Variants in DPRX observed in about 807,000 individuals in gnomAD.
The protein encoded by DPRX is divergent paired-related homeobox.
In DPRX, 11 loss-of-function variants were observed where a neutral mutation model predicts 8.4. That is an observed-to-expected ratio of 1.31 (90% confidence interval 0.82 to 2.17). DPRX has a LOEUF of 2.17. Ranked by LOEUF, DPRX falls within the 30% of genes most tolerant of loss-of-function variation. DPRX has a pLI of 0.00. For synonymous variants in DPRX, 72 were observed against 87.0 expected, an observed-to-expected ratio of 0.83 and a Z score of 0.96; for missense variants, 211 against 236.7, an observed-to-expected ratio of 0.89 and a Z score of 0.71.
At chr19:53,619,832 G>T in the DPRX span, among the ~76,000 whole-genome samples, 47 of 145,622 alleles carry the variant, frequency 3.2e-4, no homozygotes, top group African/African-American at 1.1e-3. Flanking sequence ...TCCAGCCTGG[G>T]TGACAGAGTG....
At chr19:53,622,121 G>T in the DPRX span, among the ~76,000 whole-genome samples, 1 of 152,082 alleles carries the variant, frequency 6.6e-6, no homozygotes, top group African/African-American at 2.4e-5. Flanking sequence ...CTCCCAACCT[G>T]GTGATGTCTG....
chr19:53,634,213 C>A (rs2091103763), intron 1 of DPRX, among the ~76,000 whole-genome samples: 1 of 152,058 alleles, frequency 6.6e-6, no homozygotes, highest in South Asian at 2.1e-4. Flanking sequence ...GGTGGATCAC[C>A]TGAGGTCAGG....
At chr19:53,605,341 T>C in the DPRX span, among the ~76,000 whole-genome samples, 1 of 151,088 alleles carries the variant, frequency 6.6e-6, no homozygotes, top group African/African-American at 2.4e-5. Context: ...GCCTCCCGAG[T>C]AGCTGGGACT....
chr19:53,613,003 A>G, the DPRX span, among the ~76,000 whole-genome samples: 2 of 152,094 alleles, frequency 1.3e-5, no homozygotes, highest in Non-Finnish European at 2.9e-5. Flanking sequence ...TACAGGGAAG[A>G]TGGAGGGAAA....
the DPRX span, among the ~76,000 whole-genome samples, chr19:53,621,172 A>G: frequency 3.3e-5 from 5 of 151,908 alleles, no homozygotes; most frequent in African/African-American, 9.7e-5. Context: ...TCACTGTGTC[A>G]CCCAGGCTAG....
chr19:53,613,599 A>T, the DPRX span, among the ~76,000 whole-genome samples: 1 of 150,226 alleles, frequency 6.7e-6, no homozygotes. Context: ...ACCCCAAGGG[A>T]TCTGCCCACC....
At chr19:53,621,970 C>G in the DPRX span, among the ~76,000 whole-genome samples, 1 of 152,130 alleles carries the variant, frequency 6.6e-6, no homozygotes, top group East Asian at 1.9e-4. Context: ...CCCACGTCGT[C>G]TACATTTCCT....
At chr19:53,634,663 A>G (rs370267683) in exon 2 of DPRX, 7 of 1,613,828 alleles carry the variant, frequency 4.3e-6, no homozygotes, top group Admixed American at 1.7e-5. Context: ...TCGAAAATAG[A>G]CATACACCCA....
At chr19:53,623,329 A>ATAAG in the DPRX span, among the ~76,000 whole-genome samples, 3 of 146,010 alleles carry the variant, frequency 2.1e-5, no homozygotes, top group Non-Finnish European at 3.1e-5. Context: ...AAATAAATAA[A>ATAAG]TAAATAAATA....
chr19:53,605,832 C>CT, the DPRX span, among the ~76,000 whole-genome samples: 18 of 150,556 alleles, frequency 1.2e-4, no homozygotes, highest in African/African-American at 1.7e-4. Context: ...GCCTGGCTAA[C>CT]TTTTTTTTTA....
the DPRX span, among the ~76,000 whole-genome samples, chr19:53,625,668 C>T: frequency 3.3e-5 from 5 of 151,572 alleles, no homozygotes; most frequent in Admixed American, 2.0e-4. Flanking sequence ...GAGGGAGTCT[C>T]ACCGTGTTGC....
At chr19:53,623,420 C>T in the DPRX span, among the ~76,000 whole-genome samples, 256 of 149,918 alleles carry the variant, frequency 1.7e-3, 1 homozygote, top group African/African-American at 6.1e-3. Context: ...GGGCGGATCA[C>T]CTGAGGTTGG....
chr19:53,607,796 A>G, the DPRX span, among the ~76,000 whole-genome samples: 22 of 147,568 alleles, frequency 1.5e-4, no homozygotes, highest in Non-Finnish European at 2.5e-4. Flanking sequence ...GGTTGCAGTG[A>G]GCTGAAATTG....
the DPRX span, among the ~76,000 whole-genome samples, chr19:53,626,544 A>T: frequency 5.3e-5 from 8 of 151,902 alleles, no homozygotes; most frequent in Non-Finnish European, 1.0e-4. Context: ...ACAGAGGGAG[A>T]CTCTATCTCC....
chr19:53,602,389 C>T, the DPRX span, among the ~76,000 whole-genome samples: 4 of 147,516 alleles, frequency 2.7e-5, no homozygotes, highest in African/African-American at 1.0e-4. Flanking sequence ...GATGCAGTTT[C>T]ACTCTTGTTG....
the DPRX span, among the ~76,000 whole-genome samples, chr19:53,622,567 C>A: frequency 6.6e-6 from 1 of 152,142 alleles, no homozygotes; most frequent in Non-Finnish European, 1.5e-5. Context: ...ATGGGGAATT[C>A]TCTGAGTTCC....
chr19:53,632,847 A>C (rs1215680072), intron 1 of DPRX, among the ~76,000 whole-genome samples: 1 of 152,146 alleles, frequency 6.6e-6, no homozygotes, highest in African/African-American at 2.4e-5. Flanking sequence ...TCCCACCCCG[A>C]TGCTTGTTCT....
the DPRX span, among the ~76,000 whole-genome samples, chr19:53,625,011 A>G: frequency 6.6e-6 from 1 of 150,958 alleles, no homozygotes; most frequent in East Asian, 2.0e-4. Context: ...ACCACTAACT[A>G]GTCAGTCATT....
chr19:53,634,851 GA>G (rs1358065133), intron 2 of DPRX, among the ~76,000 whole-genome samples, 166 bp downstream of exon 2: 2 of 152,098 alleles, frequency 1.3e-5, no homozygotes, highest in Admixed American at 1.3e-4. Context: ...CCTAGAGCAA[GA>G]ATGGGAAAAT....
Sources: gnomAD v4.1 joint callset for allele counts (sites outside exome capture counted in the v4.1 genomes callset) on GRCh38, gnomAD v4.1.1 for gene constraint, MANE v1.5 for transcripts, NCBI Gene and HGNC (gene_info 2026-07-23, HGNC 2026-07-21) for gene names.